TSHR: variants seen among roughly 807,000 people sequenced by gnomAD.
TSHR encodes thyroid stimulating hormone receptor.
Under a neutral mutation model 64.1 loss-of-function variants are expected in TSHR, and 51 were observed. The ratio of observed to expected loss-of-function variants is 0.80; its 90% CI spans 0.64 to 1.01. TSHR has a LOEUF of 1.01. TSHR is among the 50% of genes least tolerant of loss of function. The pLI, the probability that TSHR is intolerant of heterozygous loss-of-function variation, is 0.00. For missense variants in TSHR, 877 were observed against 942.8 expected, an observed-to-expected ratio of 0.93 and a Z score of 0.91; for synonymous variants, 361 against 361.9, an observed-to-expected ratio of 1.00 and a Z score of 0.03.
Position 81,104,982 on chromosome 14 carries a change from AC to A in TSHR, c.615-3390del, listed in dbSNP as rs978010789. 8 of 985,250 alleles carry A rather than the reference AC, an allele frequency of 8.1e-6. No individual in the cohort carries two copies. The African/African-American group carries it at 1.0e-4, about 13-fold the overall frequency. 61.0% of individuals were successfully genotyped at this position (985,250 alleles called of 1,614,324 possible). ...CCCTTTCCAGCATAGATATTTAGAA[AC>A]CCTGACTTTCAAAAAGTATTTCCTT... On this transcript the variant is annotated intron_variant, in intron 7 of 9. Transcript: ENST00000298171.
intron 4 of TSHR, among the ~76,000 whole-genome samples, chr14:81,088,986 CTTT>C (rs60086198): frequency 0.021 from 2,682 of 125,692 alleles, 84 homozygotes; most frequent in African/African-American, 0.07. Context: ...AAAATAGTTG[CTTT>C]TTTTTTTTTT....
chr14:80,973,395 C>A (rs1167282144), intron 1 of TSHR, among the ~76,000 whole-genome samples: 2 of 27,298 alleles, frequency 7.3e-5, no homozygotes, highest in African/African-American at 1.5e-4. Flanking sequence ...GACAGCGAGA[C>A]GCTGTCTCAA....
Position 81,144,128 on chromosome 14 carries a change from CA to C in TSHR, c.2071del (p.Ile691SerfsTer38), listed in dbSNP as rs1367046775. ...FTKAFQRDVFILLSKFGICKR... is the reference protein window; with the variant it reads ...FTKAFQRDVFXLLSKFGICKR... The stretch of plus-strand genomic sequence containing the variant: ...CCAAGGCCTTCCAGAGGGATGTGTT[CA>C]TCCTACTCAGCAAGTTTGGCATCTG... On this transcript the variant is annotated frameshift_variant, in exon 10 of 10. Coordinates refer to ENST00000298171, the MANE Select transcript of TSHR (RefSeq NM_000369.5). LOFTEE classifies it high-confidence loss of function. 1 of 1,614,172 alleles carries C rather than the reference CA, an allele frequency of 6.2e-7. No individual in the cohort carries two copies. Among genetic ancestry groups the C allele is most frequent in the South Asian group, 1.1e-5 (1 of 91,086 alleles).
chr14:80,957,794 A>T (rs2139676619), intron 1 of TSHR: 1 of 152,360 alleles, frequency 6.6e-6, no homozygotes, highest in African/African-American at 2.4e-5. Flanking sequence ...GGAAGGAGCC[A>T]AATTTCCTTC....
intron 3 of TSHR, among the ~76,000 whole-genome samples, chr14:81,075,813 A>G (rs1417425041): frequency 2.0e-5 from 3 of 152,080 alleles, no homozygotes; most frequent in African/African-American, 7.2e-5. Flanking sequence ...CCAAAGGACT[A>G]TAAATCATGC....
intron 2 of TSHR, among the ~76,000 whole-genome samples, chr14:81,066,775 T>G (rs922540648): frequency 1.3e-5 from 2 of 152,184 alleles, no homozygotes; most frequent in Non-Finnish European, 2.9e-5. Context: ...TCTGTGTACT[T>G]TAAAGCCCTT....
At position 81,102,316 on chromosome 14, in the gene TSHR, G is replaced by A. The variant is rs181523058; in HGVS notation, c.614+5609G>A. Among the ~76,000 whole-genome samples, 56 of 152,272 alleles carry A rather than the reference G, an allele frequency of 3.7e-4. 2 individuals carry two copies. In the East Asian group the frequency reaches 8.7e-3, roughly 24 times the overall value. On this transcript the variant is annotated intron_variant, in intron 7 of 9. Coordinates refer to ENST00000298171, the MANE Select transcript of TSHR (RefSeq NM_000369.5). ...GGATTCTGTGGGAGGCTTAGCTGAC[G>A]GCAGAGATATTCTGTCAGTGACAAT...
intron 1 of TSHR, among the ~76,000 whole-genome samples, chr14:80,972,724 T>A (rs776404758): frequency 2.6e-5 from 4 of 152,180 alleles, no homozygotes; most frequent in Admixed American, 6.5e-5. Flanking sequence ...AATATTTTCA[T>A]CATCTCAAAG....
intron 1 of TSHR, among the ~76,000 whole-genome samples, chr14:81,025,657 T>A (rs1884012251): frequency 6.6e-6 from 1 of 152,184 alleles, no homozygotes; most frequent in African/African-American, 2.4e-5. Flanking sequence ...ATTCAATAAA[T>A]CACTGAACCT....
chr14:81,026,810 C>G (rs1027894905), intron 1 of TSHR, among the ~76,000 whole-genome samples: 10 of 152,024 alleles, frequency 6.6e-5, no homozygotes, highest in Non-Finnish European at 8.8e-5. Context: ...TAGAGGCAGG[C>G]AGATCACCTG....
intron 1 of TSHR, among the ~76,000 whole-genome samples, chr14:81,018,679 G>A (rs1359494555): frequency 6.6e-6 from 1 of 152,140 alleles, no homozygotes. Flanking sequence ...CATGGTGGGA[G>A]AAAACACTCC....
At chr14:81,043,402 G>A (rs766659316) in intron 1 of TSHR, among the ~76,000 whole-genome samples, 21 of 151,986 alleles carry the variant, frequency 1.4e-4, no homozygotes, top group Non-Finnish European at 3.1e-4. Flanking sequence ...GTCTCTACAA[G>A]GAGAACTACA....
intron 1 of TSHR, among the ~76,000 whole-genome samples, chr14:81,035,867 A>C (rs1426349019): frequency 7.4e-6 from 1 of 134,782 alleles, no homozygotes; most frequent in African/African-American, 2.9e-5. Context: ...TGGTAGTGTC[A>C]AAAAAAATAA....
At chr14:81,097,033 C>T (rs1206374858) in intron 7 of TSHR, among the ~76,000 whole-genome samples, 1 of 151,950 alleles carries the variant, frequency 6.6e-6, no homozygotes, top group Non-Finnish European at 1.5e-5. Context: ...AAGGTGGTTT[C>T]TCTTTTAGTC....
rs1312578600 is a variant in TSHR, at chr14:81,105,069, T to G, written c.615-3306T>G. The G allele has an allele frequency of 4.1e-6, 4 of 985,298 alleles. No homozygotes were observed. In the African/African-American group the frequency reaches 7.0e-5, roughly 17 times the overall value. The allele number at this position is 985,298 out of a possible 1,614,324, so 61.0% of individuals were successfully genotyped here. ...AGCTACTTTATGTTCATCTTCTCCTTGCAAGGGATAGTTTTTATCACTCCT... is the reference window on the plus strand; with the variant it reads ...AGCTACTTTATGTTCATCTTCTCCTGGCAAGGGATAGTTTTTATCACTCCT... On this transcript the variant is annotated intron_variant, in intron 7 of 9. Transcript: ENST00000298171.
intron 7 of TSHR, among the ~76,000 whole-genome samples, chr14:81,097,705 T>C (rs1248760434): frequency 6.6e-6 from 1 of 152,176 alleles, no homozygotes; most frequent in East Asian, 1.9e-4. Context: ...GGTGGTAGGT[T>C]CTGGAACAAT....
Position 81,081,262 on chromosome 14 carries a change from A to ATATG in TSHR, c.318-6676_318-6673dup, listed in dbSNP as rs535066739. On this transcript the variant is annotated intron_variant, in intron 3 of 9. Coordinates refer to ENST00000298171, the MANE Select transcript of TSHR (RefSeq NM_000369.5). The stretch of plus-strand genomic sequence containing the variant: ...TTTGTCATTATGTTATTTAAAATAT[A>ATATG]TATGTATGTATGTATGTATATATAT... Among the ~76,000 whole-genome samples, 163 of 152,290 alleles carry ATATG rather than the reference A, an allele frequency of 1.1e-3. 1 individual carries two copies. The highest frequency in any genetic ancestry group is 3.1e-3 in the African/African-American group (127 of 41,558).
chr14:80,977,116 C>T (rs1255063653), intron 1 of TSHR, among the ~76,000 whole-genome samples: 2 of 152,220 alleles, frequency 1.3e-5, no homozygotes, highest in African/African-American at 4.8e-5. Context: ...TCGTCTCCTC[C>T]TCTGTGAAGT....
At chr14:81,008,163 TTTTC>T (rs1478477174) in intron 1 of TSHR, among the ~76,000 whole-genome samples, 10 of 135,954 alleles carry the variant, frequency 7.4e-5, no homozygotes, top group Admixed American at 4.1e-4. Flanking sequence ...TTGTAGACCA[TTTTC>T]TTTCTTTCTT....
Sources: allele counts gnomAD v4.1 joint callset (sites outside exome capture counted in the v4.1 genomes callset), GRCh38; gene constraint gnomAD v4.1.1; transcripts MANE v1.5; gene names NCBI Gene and HGNC (gene_info 2026-07-23, HGNC 2026-07-21).